The following KIF21B variants were observed in gnomAD, a reference collection of about 807,000 sequenced individuals.
The protein encoded by KIF21B is kinesin family member 21B, also known as kinesin-like protein KIF21B.
A neutral mutation model predicts 192.9 loss-of-function variants in KIF21B; 85 were observed. The observed-to-expected ratio is 0.44, with a 90% CI of 0.37 to 0.53. KIF21B has a LOEUF of 0.53. Ranked by LOEUF, KIF21B falls within the 20% of genes least tolerant of loss-of-function variation. KIF21B has a pLI of 0.00. For missense variants in KIF21B, 1,716 were observed against 2,194.8 expected (o/e 0.78, Z 4.36); for synonymous variants, 832 against 884.6 (o/e 0.94, Z 1.05).
Position 201,004,969 on chromosome 1 carries a change from C to T in KIF21B, c.733-36G>A, listed in dbSNP as rs111633154. On this transcript the variant is annotated intron_variant, in intron 5 of 34. Transcript: ENST00000461742. The stretch of plus-strand genomic sequence containing the variant: ...AGTCAGCTCTGACTCACCCAGCCCT[C>T]GCCCACCTCACTGGCTCCCCTGATC... 191 of 1,580,668 alleles carry T rather than the reference C, an allele frequency of 1.2e-4. 6 individuals are homozygous for T. The highest frequency in any genetic ancestry group is 4.4e-4 in the African/African-American group (33 of 74,680).
chr1:200,987,127 G>C lies in KIF21B; in HGVS notation c.3483C>G (p.Thr1161=), dbSNP rs1010863625. 6.2e-7 allele frequency: 1 copy of C among 1,614,074 alleles called. No homozygotes were observed. Among genetic ancestry groups the C allele is most frequent in the Non-Finnish European group, 8.5e-7 (1 of 1,180,014 alleles). The change falls in exon 25 of 35, where the codon ACC becomes ACG. Residue 1161 remains threonine, a synonymous_variant. Coordinates refer to ENST00000461742, the MANE Select transcript of KIF21B (RefSeq NM_001252102.2). The part of the protein sequence containing the change: ...ECLGPPLDIS[T]KNITKSLASL... ...AGGCCAGGGACTTGGTGATGTTCTT[G>C]GTGGAGATATCCAGTGGGGGGCCCA...
At chr1:200,981,597 C>A (rs538555565) in intron 28 of KIF21B, among the ~76,000 whole-genome samples, 31 of 152,198 alleles carry the variant, frequency 2.0e-4, no homozygotes, top group Non-Finnish European at 4.3e-4. Flanking sequence ...CACCCTGATC[C>A]CAGTAAACCC....
intron 21 of KIF21B, 81 bp from the exon 22 acceptor site, chr1:200,989,012 G>T: frequency 7.1e-7 from 1 of 1,405,586 alleles, no homozygotes; most frequent in Non-Finnish European, 9.5e-7. Flanking sequence ...CACCCCTCAA[G>T]ACACCTTGGA....
At chr1:201,003,849 G>A in intron 7 of KIF21B, 68 bp from the exon 8 acceptor site, 2 of 1,512,838 alleles carry the variant, frequency 1.3e-6, no homozygotes, top group Non-Finnish European at 1.8e-6. Flanking sequence ...TTGCCTCAGG[G>A]TAGAGGTCCT....
intron 1 of KIF21B, among the ~76,000 whole-genome samples, chr1:201,012,167 C>T (rs1353438357): frequency 6.6e-6 from 1 of 152,168 alleles, no homozygotes; most frequent in Non-Finnish European, 1.5e-5. Flanking sequence ...TCTTTGTGGT[C>T]AGAAAGAGAC....
rs1184472653 is a variant in KIF21B at position 200,998,455 on chromosome 1, T to C, written c.2006A>G (p.Glu669Gly). The C allele has an allele frequency of 6.2e-7, 1 of 1,614,108 alleles. No homozygotes were observed. The highest frequency in any genetic ancestry group is 2.2e-5 in the East Asian group (1 of 44,882). ...CTTGTTCTGCAGCAGAATCAGCTTT[T>C]CCTCATACTGGTGCTTGAGCGTCTG... ...RLQTLKHQYEEKLILLQNKIR... is the reference protein window; with the variant it reads ...RLQTLKHQYEGKLILLQNKIR... Residue 669 changes from glutamate (E) to glycine (G), a missense_variant, in exon 14 of 35, where the codon GAA (glutamate) becomes GGA (glycine). Glu to Gly is a moderately conservative substitution (Grantham distance 98). This residue lies in a region of KIF21B where 1,087 missense variants were observed against 1,316.6 expected (regional missense o/e 0.83). Transcript: ENST00000461742. The surrounding 1 kb of genome is among the most constrained non-coding windows in gnomAD (Gnocchi z 4.3).
chr1:200,973,861 C>T (rs1655364360), intron 34 of KIF21B: 1 of 1,445,216 alleles, frequency 6.9e-7, no homozygotes, highest in Non-Finnish European at 9.0e-7. Flanking sequence ...CCCTTCTGCT[C>T]CCTGGCACCC....
chr1:200,976,713 C>T, intron 32 of KIF21B, 63 bp downstream of exon 32: 1 of 1,080,770 alleles, frequency 9.3e-7, no homozygotes, highest in South Asian at 1.5e-5. Flanking sequence ...CCCAGGGCAA[C>T]AGAGGGCAAA....
rs1209326277 is a variant in KIF21B at position 200,972,664 on chromosome 1, G to C, written c.*857C>G. On this transcript the variant is annotated 3_prime_UTR_variant, in exon 35 of 35. Coordinates refer to ENST00000461742, the MANE Select transcript of KIF21B (RefSeq NM_001252102.2). ...AGGGGTAGCTAGAAGACTCCCTGGG[G>C]GCTGTGTCGGGGACAGGCCTGAGCT... 6.5e-6 allele frequency: 1 copy of C among 152,748 alleles called. No individual in the cohort carries two copies. The highest frequency in any genetic ancestry group is 2.4e-5 in the African/African-American group (1 of 41,448). 9.5% of individuals were successfully genotyped at this position (152,748 alleles called of 1,614,324 possible). A position where few individuals can be genotyped will look rare whatever the true frequency, so the allele number is the denominator to read the frequency against.
intron 15 of KIF21B, 104 bp from the exon 16 acceptor site, chr1:200,992,493 C>T: frequency 8.4e-7 from 1 of 1,183,884 alleles, no homozygotes; most frequent in Non-Finnish European, 1.2e-6. Context: ...GGGATAGTGG[C>T]TAGCCAGGCA....
intron 14 of KIF21B, among the ~76,000 whole-genome samples, chr1:200,996,784 G>A (rs1387962655): frequency 6.6e-6 from 1 of 152,172 alleles, no homozygotes; most frequent in Non-Finnish European, 1.5e-5. Flanking sequence ...AATGGTGTGG[G>A]CCAGGGCAGA....
rs1656570552 is a variant in KIF21B, at chr1:200,989,962, G to A, written c.3112C>T (p.Leu1038Phe). 6.2e-7 allele frequency: 1 copy of A among 1,613,936 alleles called. No homozygotes were observed. Among genetic ancestry groups the A allele is most frequent in the Non-Finnish European group, 8.5e-7 (1 of 1,179,994 alleles). The change falls in exon 21 of 35, where the codon CTC (leucine) becomes TTC (phenylalanine). Residue 1038 changes from leucine (L) to phenylalanine (F), a missense_variant. Transcript: ENST00000461742. ...AEARLLLDNFLKASIDKGLQV... is the reference protein window; with the variant it reads ...AEARLLLDNFFKASIDKGLQV... ...CTTACCTTGTCAATGGATGCCTTGA[G>A]GAAGTTGTCTAGCAGGAGGCGGGCT... is the stretch of plus-strand genomic sequence containing the variant.
In KIF21B at chr1:201,023,509, C is replaced by G; in HGVS notation, c.-126G>C. ...CGGCTGGCGGAGGCTGCGGCGGCGG[C>G]GGCTGGAGGTGACATGCTCGCGGGC... On this transcript the variant is annotated 5_prime_UTR_variant, in exon 1 of 35. Coordinates refer to ENST00000461742, the MANE Select transcript of KIF21B (RefSeq NM_001252102.2). The surrounding 1 kb of genome is among the most constrained non-coding windows in gnomAD (Gnocchi z 5.9). The G allele has an allele frequency of 1.9e-6, 1 of 539,738 alleles. No individual in the cohort carries two copies. Among genetic ancestry groups the G allele is most frequent in the Non-Finnish European group, 2.6e-6 (1 of 378,740 alleles). The allele number at this position is 539,738 out of a possible 1,614,324, so 33.4% of individuals were successfully genotyped here. A position where few individuals can be genotyped will look rare whatever the true frequency, so the allele number is the denominator to read the frequency against.
In KIF21B at chr1:200,999,634, C is replaced by G. The variant is rs939564451; in HGVS notation, c.1768-168G>C. Among the ~76,000 whole-genome samples the G allele has an allele frequency of 6.6e-6, 1 of 152,042 alleles. No individual in the cohort carries two copies. Among genetic ancestry groups the G allele is most frequent in the African/African-American group, 2.4e-5 (1 of 41,408 alleles). On this transcript the variant is annotated intron_variant, in intron 12 of 34. Coordinates refer to ENST00000461742, the MANE Select transcript of KIF21B (RefSeq NM_001252102.2). This position sits in a 1 kb window ranked among gnomAD's most constrained non-coding sequence, Gnocchi z 4.7. ...TACTCCTGGAAGAGTGCCGCCTCCC[C>G]CAACACCACCGCAGAACCCCTCTAG... is the stretch of plus-strand genomic sequence containing the variant.
At position 200,982,849 on chromosome 1, in the gene KIF21B, C is replaced by T. The variant is rs762963785; in HGVS notation, c.3842+207G>A. ...TCCCCAAGCCCCCAGCTCTAGCTGG[C>T]GCAGTCCAAGGCCTTGTGGCCACCC... is the stretch of plus-strand genomic sequence containing the variant. On this transcript the variant is annotated intron_variant, in intron 28 of 34. Coordinates refer to ENST00000461742, the MANE Select transcript of KIF21B (RefSeq NM_001252102.2). The surrounding 1 kb of genome is among the most constrained non-coding windows in gnomAD (Gnocchi z 4.7). 1.8e-4 allele frequency among the ~76,000 whole-genome samples: 27 copies of T among 152,184 alleles called. No homozygotes were observed. Among genetic ancestry groups the T allele is most frequent in the Non-Finnish European group, 2.5e-4 (17 of 68,026 alleles).
chr1:201,019,052 A>G (rs191231693), intron 1 of KIF21B, among the ~76,000 whole-genome samples: 41 of 152,268 alleles, frequency 2.7e-4, no homozygotes, highest in African/African-American at 9.9e-4. Context: ...CTCCTGTCTC[A>G]GCCTCCTGAG....
chr1:201,021,852 G>A (rs1658847553), intron 1 of KIF21B, among the ~76,000 whole-genome samples: 1 of 152,082 alleles, frequency 6.6e-6, no homozygotes. Flanking sequence ...CTCCCAATCT[G>A]CTGCAGATGC....
In KIF21B at chr1:201,017,152, T is replaced by C. The variant is rs1373802603; in HGVS notation, c.41+6191A>G. ...TGCCTGCCATGAGGCACCTTGAGAG[T>C]CCTGTTGTCTATGGCCCTCCAGGGC... On this transcript the variant is annotated intron_variant, in intron 1 of 34. Coordinates refer to ENST00000461742, the MANE Select transcript of KIF21B (RefSeq NM_001252102.2). This position sits in a 1 kb window ranked among gnomAD's most constrained non-coding sequence, Gnocchi z 4.1. 6.6e-6 allele frequency among the ~76,000 whole-genome samples: 1 copy of C among 151,598 alleles called. No homozygotes were observed. The highest frequency in any genetic ancestry group is 6.6e-5 in the Admixed American group (1 of 15,234).
intron 3 of KIF21B, among the ~76,000 whole-genome samples, chr1:201,008,395 A>G (rs563485406): frequency 5.1e-4 from 77 of 152,284 alleles, no homozygotes; most frequent in Non-Finnish European, 7.2e-4. Flanking sequence ...GGCCAGAAGG[A>G]AGGGAGAGAG....
Sources: allele counts gnomAD v4.1 joint callset (sites outside exome capture counted in the v4.1 genomes callset), GRCh38; gene constraint gnomAD v4.1.1; regional missense constraint gnomAD v4.1.1; non-coding constraint Gnocchi (gnomAD v3.1); transcripts MANE v1.5; gene names NCBI Gene and HGNC (gene_info 2026-07-23, HGNC 2026-07-21).